The following PLCZ1 variants were observed in gnomAD, a reference collection of about 807,000 sequenced individuals.
The protein encoded by PLCZ1 is phospholipase C zeta 1, also known as 1-phosphatidylinositol 4,5-bisphosphate phosphodiesterase zeta-1.
PLCZ1 carries 64 observed loss-of-function variants against 76.8 expected under a neutral mutation model. The observed-to-expected ratio is 0.83, with a 90% confidence interval of 0.68 to 1.03. The LOEUF is 1.03. Ranked by LOEUF, PLCZ1 falls within the 50% of genes least tolerant of loss-of-function variation. The probability of loss-of-function intolerance (pLI) is 0.00; values close to 1 mark genes in which losing one functional copy is unlikely to be tolerated. For missense variants in PLCZ1, 751 were observed against 713.7 expected (o/e 1.05, Z -0.60); for synonymous variants, 248 against 230.8 (o/e 1.07, Z -0.68).
chr12:18,647,846 T>C, the PLCZ1 span: 1 of 1,384,932 alleles, frequency 7.2e-7, no homozygotes, highest in Non-Finnish European at 9.6e-7. Context: ...CATTTCTGAT[T>C]TATATTTTCA....
At chr12:18,661,901 T>C in the PLCZ1 span, among the ~76,000 whole-genome samples, 10 of 152,112 alleles carry the variant, frequency 6.6e-5, no homozygotes, top group Non-Finnish European at 1.3e-4. Context: ...TTTTTTTAAA[T>C]GAAGTACACA....
chr12:18,687,614 A>G (rs1953361345), intron 13 of PLCZ1, among the ~76,000 whole-genome samples: 1 of 152,162 alleles, frequency 6.6e-6, no homozygotes, highest in Non-Finnish European at 1.5e-5. Flanking sequence ...TGACTGAATT[A>G]TCCAAAAATT....
intron 6 of PLCZ1, among the ~76,000 whole-genome samples, chr12:18,711,119 GA>G (rs1277772279): frequency 1.3e-5 from 2 of 151,846 alleles, no homozygotes; most frequent in Admixed American, 6.6e-5. Context: ...CAATAGCAAA[GA>G]ATTGGAACCA....
chr12:18,731,114 G>C (rs975178518), intron 3 of PLCZ1: 5 of 152,018 alleles, frequency 3.3e-5, no homozygotes, highest in African/African-American at 1.2e-4. Flanking sequence ...TTGTAAACTT[G>C]AGGGCTAAAT....
intron 7 of PLCZ1, among the ~76,000 whole-genome samples, chr12:18,704,480 G>A (rs1452029587): frequency 2.6e-5 from 4 of 151,930 alleles, no homozygotes; most frequent in African/African-American, 9.7e-5. Flanking sequence ...TGGATGCCAC[G>A]ACACCCAGCT....
chr12:18,704,025 G>T (rs1329831745), intron 7 of PLCZ1, among the ~76,000 whole-genome samples: 1 of 152,184 alleles, frequency 6.6e-6, no homozygotes, highest in Non-Finnish European at 1.5e-5. Context: ...TTGGGATAGG[G>T]AGAAAGGCCC....
At chr12:18,692,949 T>C in intron 12 of PLCZ1, 1 of 1,502,504 alleles carries the variant, frequency 6.7e-7, no homozygotes, top group Non-Finnish European at 9.2e-7. Flanking sequence ...TCACACTCAG[T>C]GCCAGTTAAA....
At chr12:18,655,466 A>G in the PLCZ1 span, among the ~76,000 whole-genome samples, 276 of 152,348 alleles carry the variant, frequency 1.8e-3, 2 homozygotes, top group African/African-American at 6.4e-3. Context: ...CTAATTATTT[A>G]TGGAGATGTT....
chr12:18,687,985 T>C (rs1953421492), intron 13 of PLCZ1, 104 bp downstream of exon 13: 3 of 1,472,776 alleles, frequency 2.0e-6, no homozygotes, highest in African/African-American at 1.4e-5. Flanking sequence ...AAAACCCTTG[T>C]CTTATGAATA....
At chr12:18,651,453 A>G in the PLCZ1 span, among the ~76,000 whole-genome samples, 1 of 152,260 alleles carries the variant, frequency 6.6e-6, no homozygotes, top group East Asian at 1.9e-4. Flanking sequence ...TTTGCTTATT[A>G]TTTATGCTTT....
Position 18,689,470 on chromosome 12 carries a change from G to A in PLCZ1, c.1462-1252C>T, listed in dbSNP as rs558757740. ...CATTTTTTAAAGCTCATCAGCTATC[G>A]TTAGTGTTAGTGTATTTTATGTGTG... On this transcript the variant is annotated intron_variant, in intron 12 of 14. Coordinates refer to ENST00000266505, the MANE Select transcript of PLCZ1 (RefSeq NM_033123.4). 1.1e-4 allele frequency among the ~76,000 whole-genome samples: 17 copies of A among 152,214 alleles called. No homozygotes were observed. The South Asian group carries it at 2.3e-3, about 20-fold the overall frequency.
chr12:18,688,400 A>G (rs1255794215), intron 12 of PLCZ1, among the ~76,000 whole-genome samples, 182 bp from the exon 13 acceptor site: 1 of 152,104 alleles, frequency 6.6e-6, no homozygotes, highest in South Asian at 2.1e-4. Context: ...TTATCAGTAG[A>G]TAAACACCAA....
intron 7 of PLCZ1, among the ~76,000 whole-genome samples, chr12:18,703,567 TAGAGAACCTTGTG>T: frequency 6.6e-6 from 1 of 152,312 alleles, no homozygotes; most frequent in Non-Finnish European, 1.5e-5. Context: ...ACCTTAGAGA[TAGAGAACCTTGTG>T]ATTACCTCTT....
intron 4 of PLCZ1, among the ~76,000 whole-genome samples, chr12:18,723,101 T>C (rs1258750255): frequency 6.6e-6 from 1 of 151,954 alleles, no homozygotes; most frequent in Non-Finnish European, 1.5e-5. Context: ...CTGAACAATG[T>C]ATAGGAAAGG....
intron 3 of PLCZ1, among the ~76,000 whole-genome samples, chr12:18,729,990 T>C (rs1958955111): frequency 6.6e-6 from 1 of 152,136 alleles, no homozygotes; most frequent in Admixed American, 6.5e-5. Flanking sequence ...GCACCTATTT[T>C]GTGTCATGCC....
chr12:18,649,051 C>T, the PLCZ1 span, among the ~76,000 whole-genome samples: 1 of 152,126 alleles, frequency 6.6e-6, no homozygotes, highest in East Asian at 1.9e-4. Flanking sequence ...GATATGGGCT[C>T]ATTTGAAATA....
At chr12:18,734,443 C>G (rs938795517) in intron 3 of PLCZ1, among the ~76,000 whole-genome samples, 20 of 152,216 alleles carry the variant, frequency 1.3e-4, no homozygotes, top group Admixed American at 9.2e-4. Context: ...CTCTGCCTCC[C>G]AGGTTCAAGC....
chr12:18,709,317 G>A (rs771090909), intron 6 of PLCZ1, among the ~76,000 whole-genome samples: 3 of 151,970 alleles, frequency 2.0e-5, no homozygotes, highest in Non-Finnish European at 4.4e-5. Flanking sequence ...CAAAAATTAG[G>A]TTGACCATAT....
intron 6 of PLCZ1, among the ~76,000 whole-genome samples, chr12:18,710,226 T>C (rs1193461906): frequency 6.7e-6 from 1 of 149,968 alleles, no homozygotes; most frequent in Non-Finnish European, 1.5e-5. Context: ...AGGCTTTTCA[T>C]CCTTGCAAGG....
Sources: allele counts gnomAD v4.1 joint callset (sites outside exome capture counted in the v4.1 genomes callset), GRCh38; gene constraint gnomAD v4.1.1; transcripts MANE v1.5; gene names NCBI Gene and HGNC (gene_info 2026-07-23, HGNC 2026-07-21).